The following KIAA1671 variants were observed in gnomAD, a reference collection of about 807,000 sequenced individuals.
The protein encoded by KIAA1671 is KIAA1671, also known as uncharacterized protein KIAA1671.
A neutral mutation model predicts 131.2 loss-of-function variants in KIAA1671; 52 were observed. The ratio of observed to expected loss-of-function variants is 0.40; its 90% confidence interval spans 0.32 to 0.50. KIAA1671 has a LOEUF of 0.50. Ranked by LOEUF, KIAA1671 falls within the 20% of genes least tolerant of loss-of-function variation. KIAA1671 has a pLI of 0.73. For synonymous variants in KIAA1671, 1,003 were observed against 961.6 expected, an observed-to-expected ratio of 1.04 and a Z score of -0.80; for missense variants, 2,360 against 2,364.2, an observed-to-expected ratio of 1.00 and a Z score of 0.04.
rs1286847546 is a variant in KIAA1671 at position 25,193,226 on chromosome 22, G to A, written c.*825G>A. On this transcript the variant is annotated 3_prime_UTR_variant, in exon 13 of 13. Coordinates refer to ENST00000358431, the MANE Select transcript of KIAA1671 (RefSeq NM_001145206.2). ...ATCTTATCCCTATCCAAGCTGTTTAGAAGTTATAATTGTCACTCTTGTATT... is the reference window on the plus strand; with the variant it reads ...ATCTTATCCCTATCCAAGCTGTTTAAAAGTTATAATTGTCACTCTTGTATT... The A allele has an allele frequency of 6.6e-6, 1 of 152,196 alleles. No homozygotes were observed. Among genetic ancestry groups the A allele is most frequent in the African/African-American group, 2.4e-5 (1 of 41,448 alleles). 9.4% of individuals were successfully genotyped at this position (152,196 alleles called of 1,614,324 possible). A position where few individuals can be genotyped will look rare whatever the true frequency, so the allele number is the denominator to read the frequency against.
At chr22:25,067,083 A>G (rs1353884125) in intron 6 of KIAA1671, among the ~76,000 whole-genome samples, 4 of 152,082 alleles carry the variant, frequency 2.6e-5, no homozygotes, top group African/African-American at 9.7e-5. Context: ...AGAGCAGGAT[A>G]ACCAGGACTG....
In KIAA1671 at chr22:25,170,745, A is replaced by AT. The variant is rs1601379636; in HGVS notation, c.4531-72dup. Reference sequence around the variant, plus strand: ...TTTGAGCTGGGGGCCATGCGATCTGATTTGTGTGTCAGCCGGGACGGGGGT... The same window carrying AT: ...TTTGAGCTGGGGGCCATGCGATCTGATTTTGTGTGTCAGCCGGGACGGGGGT... On this transcript the variant is annotated intron_variant, in intron 6 of 12. Transcript: ENST00000358431. 8.4e-6 allele frequency: 12 copies of AT among 1,433,376 alleles called. No homozygotes were observed. In the East Asian group the frequency reaches 3.0e-4, roughly 36 times the overall value. The allele number at this position is 1,433,376 out of a possible 1,614,324, so 88.8% of individuals were successfully genotyped here. A position where few individuals can be genotyped will look rare whatever the true frequency, so the allele number is the denominator to read the frequency against.
chr22:25,096,865 C>T (rs535398379), intron 6 of KIAA1671, among the ~76,000 whole-genome samples: 4 of 152,310 alleles, frequency 2.6e-5, no homozygotes, highest in South Asian at 2.1e-4. Context: ...TGAACGGAGC[C>T]GTGCACTCTG....
At chr22:25,136,179 G>A (rs138965453) in intron 6 of KIAA1671, among the ~76,000 whole-genome samples, 1,573 of 152,240 alleles carry the variant, frequency 0.01, 26 homozygotes, top group African/African-American at 0.036. Flanking sequence ...TGTTCCTTAG[G>A]TATCTACCCT....
At chr22:25,041,579 T>C in intron 5 of KIAA1671, 54 bp downstream of exon 5, 1 of 1,457,580 alleles carries the variant, frequency 6.9e-7, no homozygotes, top group African/African-American at 1.4e-5. Flanking sequence ...ACATCTAGTC[T>C]AGGGGGCCGA....
intron 4 of KIAA1671, among the ~76,000 whole-genome samples, chr22:25,033,782 A>T (rs1179813887): frequency 6.6e-6 from 1 of 151,604 alleles, no homozygotes; most frequent in Non-Finnish European, 1.5e-5. Flanking sequence ...GGGTTTCACC[A>T]TGTTAGCCAG....
chr22:25,036,147 C>T (rs1926581673), intron 4 of KIAA1671, among the ~76,000 whole-genome samples: 1 of 152,168 alleles, frequency 6.6e-6, no homozygotes, highest in African/African-American at 2.4e-5. Context: ...ATGGCACAAT[C>T]TCAGCTCACT....
chr22:25,123,636 G>T (rs1449937802), intron 6 of KIAA1671, among the ~76,000 whole-genome samples: 1 of 152,176 alleles, frequency 6.6e-6, no homozygotes, highest in African/African-American at 2.4e-5. Flanking sequence ...GAAGCCTCCA[G>T]TCCACCACCA....
intron 4 of KIAA1671, among the ~76,000 whole-genome samples, chr22:25,034,297 C>T (rs1010097602): frequency 2.0e-5 from 3 of 152,080 alleles, no homozygotes; most frequent in African/African-American, 4.8e-5. Flanking sequence ...CCACCCACCT[C>T]GGCCTCCAAA....
At chr22:25,187,447 G>A (rs1300206115) in intron 11 of KIAA1671, among the ~76,000 whole-genome samples, 2 of 151,528 alleles carry the variant, frequency 1.3e-5, no homozygotes, top group Non-Finnish European at 2.9e-5. Flanking sequence ...GTTTTCCCGT[G>A]CCCATTTAAC....
chr22:25,151,899 C>T (rs564306915), intron 6 of KIAA1671, among the ~76,000 whole-genome samples: 20 of 152,088 alleles, frequency 1.3e-4, no homozygotes, highest in South Asian at 2.1e-4. Context: ...CCACCACGCC[C>T]GGCTAGTTTT....
chr22:25,079,204 A>G (rs180948134), intron 6 of KIAA1671, among the ~76,000 whole-genome samples: 83 of 151,186 alleles, frequency 5.5e-4, no homozygotes, highest in African/African-American at 2.0e-3. Flanking sequence ...AGTGCACAAG[A>G]CAGCCATGTT....
At chr22:25,138,423 A>G (rs1039649047) in intron 6 of KIAA1671, among the ~76,000 whole-genome samples, 4 of 152,222 alleles carry the variant, frequency 2.6e-5, no homozygotes, top group Non-Finnish European at 5.9e-5. Context: ...GTGACATTGG[A>G]TGTATGTGCC....
chr22:25,092,138 A>C (rs1365244982), intron 6 of KIAA1671, among the ~76,000 whole-genome samples: 2 of 152,188 alleles, frequency 1.3e-5, no homozygotes. Context: ...AGAGACAGCT[A>C]ATATATATGA....
intron 5 of KIAA1671, among the ~76,000 whole-genome samples, chr22:25,044,273 A>G (rs942728685): frequency 7.9e-5 from 12 of 152,358 alleles, no homozygotes; most frequent in Admixed American, 5.9e-4. Context: ...CTGAATTGAA[A>G]TAAAGCACCG....
Position 25,093,760 on chromosome 22 carries a change from CTCTCTCTG to C in KIAA1671, c.4530+44404_4530+44411del, listed in dbSNP as rs1568951132. ...ACACTCTCTCTCTCTCTCTCTCTCT[CTCTCTCTG>C]TCTCTCTCTCTCTCTCTCTCTCTCT... On this transcript the variant is annotated intron_variant, in intron 6 of 12. Transcript: ENST00000358431. 1.1e-3 allele frequency among the ~76,000 whole-genome samples: 124 copies of C among 112,514 alleles called. 3 individuals are homozygous for C. Among genetic ancestry groups the C allele is most frequent in the Middle Eastern group, 4.1e-3 (1 of 246 alleles). The allele number at this position is 112,514 out of a possible 152,430, so 73.8% of individuals were successfully genotyped here.
chr22:25,094,480 G>A (rs1930302858), intron 6 of KIAA1671, among the ~76,000 whole-genome samples: 1 of 152,094 alleles, frequency 6.6e-6, no homozygotes, highest in Admixed American at 6.5e-5. Context: ...AGGCCCTGGG[G>A]TGGGAAGTAA....
At chr22:25,166,104 G>C (rs1485970854) in intron 6 of KIAA1671, among the ~76,000 whole-genome samples, 5 of 152,228 alleles carry the variant, frequency 3.3e-5, no homozygotes, top group Non-Finnish European at 7.3e-5. Flanking sequence ...TGCCAGGGGA[G>C]GTCCCTCGGA....
chr22:24,955,081 G>A (rs1206114000), intron 1 of KIAA1671, among the ~76,000 whole-genome samples: 3 of 152,144 alleles, frequency 2.0e-5, no homozygotes, highest in Non-Finnish European at 4.4e-5. Flanking sequence ...GCGCCTGGCC[G>A]GGGCTGTTTT....
Sources: gnomAD v4.1 joint callset for allele counts (sites outside exome capture counted in the v4.1 genomes callset) on GRCh38, gnomAD v4.1.1 for gene constraint, MANE v1.5 for transcripts, NCBI Gene and HGNC (gene_info 2026-07-23, HGNC 2026-07-21) for gene names.